Variants in KCNMB2 observed in about 807,000 individuals in gnomAD.
The protein encoded by KCNMB2 is potassium calcium-activated channel subfamily M regulatory beta subunit 2, also known as calcium-activated potassium channel subunit beta-2.
In KCNMB2, 9 loss-of-function variants were observed where a neutral mutation model predicts 24.5. That is an observed-to-expected ratio of 0.37 (90% CI 0.22 to 0.64). KCNMB2 has a LOEUF of 0.64. Ranked by LOEUF, KCNMB2 falls within the 30% of genes least tolerant of loss-of-function variation. The pLI, the probability that KCNMB2 is intolerant of heterozygous loss-of-function variation, is 0.63. For synonymous variants in KCNMB2, 109 were observed against 104.4 expected (o/e 1.04, Z -0.27); for missense variants, 226 against 284.3 (o/e 0.79, Z 1.47).
At chr3:178,786,973 G>C (rs1307378097) in intron 1 of KCNMB2, among the ~76,000 whole-genome samples, 1 of 152,108 alleles carries the variant, frequency 6.6e-6, no homozygotes, top group Non-Finnish European at 1.5e-5. Context: ...AAACTTTTCA[G>C]GTGAAAGGAA....
chr3:178,562,958 CAAATAA>C (rs1716377943), intron 1 of KCNMB2, among the ~76,000 whole-genome samples: 2 of 152,242 alleles, frequency 1.3e-5, no homozygotes, highest in African/African-American at 4.8e-5. Context: ...AAAAACAAAA[CAAATAA>C]AATAGATATT....
Position 178,843,326 on chromosome 3 carries a change from T to A in KCNMB2, c.*389T>A. 1 of 400,154 alleles carries A rather than the reference T, an allele frequency of 2.5e-6. No homozygotes were observed. Among genetic ancestry groups the A allele is most frequent in the Non-Finnish European group, 5.0e-6 (1 of 199,902 alleles). 24.8% of individuals were successfully genotyped at this position (400,154 alleles called of 1,614,324 possible). On this transcript the variant is annotated 3_prime_UTR_variant, in exon 5 of 5. Coordinates refer to ENST00000452583, the MANE Select transcript of KCNMB2 (RefSeq NM_181361.3). ...AGACAATATTTTTCATCACTTATTG[T>A]TTACTAAAGCTACAGCCAAAAATAT... is the stretch of plus-strand genomic sequence containing the variant.
intron 1 of KCNMB2, among the ~76,000 whole-genome samples, chr3:178,755,564 G>A (rs1724002909): frequency 6.6e-6 from 1 of 152,134 alleles, no homozygotes; most frequent in Non-Finnish European, 1.5e-5. Flanking sequence ...CAATGTTATT[G>A]CTATGGTATT....
At chr3:178,777,009 A>C (rs1400916603) in intron 1 of KCNMB2, among the ~76,000 whole-genome samples, 1 of 149,506 alleles carries the variant, frequency 6.7e-6, no homozygotes, top group African/African-American at 2.5e-5. Flanking sequence ...AATAAATGTT[A>C]ATATTGTAAT....
At position 178,631,359 on chromosome 3, in the gene KCNMB2, G is replaced by GT. The variant is rs1289958054; in HGVS notation, c.-68+94649dup. ...GACTGACAGCTTATTAGTGCTGTCA[G>GT]TAACAGCTACATTGAGACTGAAAAG... is the stretch of plus-strand genomic sequence containing the variant. On this transcript the variant is annotated intron_variant, in intron 1 of 4. Coordinates refer to ENST00000452583, the MANE Select transcript of KCNMB2 (RefSeq NM_181361.3). Among the ~76,000 whole-genome samples, 3 of 152,270 alleles carry GT rather than the reference G, an allele frequency of 2.0e-5. No individual in the cohort carries two copies. The East Asian group carries it at 5.8e-4, about 29-fold the overall frequency.
chr3:178,828,134 A>G (rs1714906038), intron 3 of KCNMB2, 44 bp from the exon 4 acceptor site: 5 of 1,430,320 alleles, frequency 3.5e-6, no homozygotes, highest in South Asian at 2.4e-5. Context: ...CTTTCTCACT[A>G]TTAGCTCTTG....
intron 4 of KCNMB2, chr3:178,841,698 TACTC>T (rs1208974921): frequency 2.0e-5 from 3 of 152,088 alleles, no homozygotes; most frequent in African/African-American, 7.2e-5. Flanking sequence ...CATGAGAACT[TACTC>T]ACTGTCATAA....
intron 1 of KCNMB2, among the ~76,000 whole-genome samples, chr3:178,655,704 A>G (rs1405357519): frequency 1.3e-5 from 2 of 152,158 alleles, no homozygotes; most frequent in African/African-American, 4.8e-5. Context: ...GAGGCCAGGA[A>G]CGCCCAGGTC....
chr3:178,800,096 C>T (rs1482294351), intron 1 of KCNMB2, among the ~76,000 whole-genome samples: 1 of 152,080 alleles, frequency 6.6e-6, no homozygotes, highest in East Asian at 1.9e-4. Flanking sequence ...ATTAAGGAAG[C>T]TCTCCAGGAC....
intron 1 of KCNMB2, among the ~76,000 whole-genome samples, chr3:178,662,426 A>C (rs1310524054): frequency 6.6e-6 from 1 of 152,184 alleles, no homozygotes; most frequent in Non-Finnish European, 1.5e-5. Context: ...GATAAATATG[A>C]TGTAAACAAT....
At chr3:178,546,617 C>T (rs1715783708) in intron 1 of KCNMB2, among the ~76,000 whole-genome samples, 1 of 152,146 alleles carries the variant, frequency 6.6e-6, no homozygotes, top group African/African-American at 2.4e-5. Flanking sequence ...TGTGCCCTGA[C>T]AGAGTGTCAA....
intron 1 of KCNMB2, among the ~76,000 whole-genome samples, chr3:178,619,984 T>C (rs2108525867): frequency 6.6e-6 from 1 of 152,336 alleles, no homozygotes; most frequent in African/African-American, 2.4e-5. Flanking sequence ...ACTGAGCATC[T>C]ACTATGTCTT....
intron 1 of KCNMB2, among the ~76,000 whole-genome samples, chr3:178,624,822 G>T (rs776877694): frequency 3.3e-5 from 5 of 151,996 alleles, no homozygotes; most frequent in African/African-American, 9.7e-5. Flanking sequence ...CAGAGGTGTG[G>T]GTGAGTGGGC....
At chr3:178,624,598 CTT>C (rs1553822970) in intron 1 of KCNMB2, among the ~76,000 whole-genome samples, 1 of 38,752 alleles carries the variant, frequency 2.6e-5, no homozygotes, top group Non-Finnish European at 5.6e-5. Context: ...TTTTTTCTTT[CTT>C]TTTTTTTTTT....
intron 1 of KCNMB2, among the ~76,000 whole-genome samples, chr3:178,721,696 CAA>C (rs1722812755): frequency 6.6e-6 from 1 of 152,176 alleles, no homozygotes; most frequent in South Asian, 2.1e-4. Flanking sequence ...AACAGCAATG[CAA>C]AAGAGTTCCA....
At chr3:178,587,051 C>T (rs1310614310) in intron 1 of KCNMB2, among the ~76,000 whole-genome samples, 1 of 152,074 alleles carries the variant, frequency 6.6e-6, no homozygotes, top group African/African-American at 2.4e-5. Flanking sequence ...AAAATAGTCT[C>T]TTCTTCCTTT....
chr3:178,742,083 T>C lies in KCNMB2; in HGVS notation c.-67-65260T>C, dbSNP rs543033651. On this transcript the variant is annotated intron_variant, in intron 1 of 4. Coordinates refer to ENST00000452583, the MANE Select transcript of KCNMB2 (RefSeq NM_181361.3). ...TGTTAATATCTATAATAAAAATACATTTGACTACAGAACGATAGCATTGAA... is the reference window on the plus strand; with the variant it reads ...TGTTAATATCTATAATAAAAATACACTTGACTACAGAACGATAGCATTGAA... Among the ~76,000 whole-genome samples, 2 of 152,220 alleles carry C rather than the reference T, an allele frequency of 1.3e-5. 1 individual carries two copies. Among genetic ancestry groups the C allele is most frequent in the South Asian group, 4.1e-4 (2 of 4,832 alleles).
At chr3:178,670,253 T>C (rs1720855435) in intron 1 of KCNMB2, among the ~76,000 whole-genome samples, 1 of 152,044 alleles carries the variant, frequency 6.6e-6, no homozygotes, top group Admixed American at 6.6e-5. Flanking sequence ...TTTTTGTTGG[T>C]GGGAAGCAGG....
intron 1 of KCNMB2, among the ~76,000 whole-genome samples, chr3:178,743,612 A>G (rs527481249): frequency 1.3e-5 from 2 of 152,296 alleles, no homozygotes; most frequent in Non-Finnish European, 2.9e-5. Context: ...ACATTTTCCA[A>G]TCTCTGCGTC....
Sources: gnomAD v4.1 joint callset for allele counts (sites outside exome capture counted in the v4.1 genomes callset) on GRCh38, gnomAD v4.1.1 for gene constraint, MANE v1.5 for transcripts, NCBI Gene and HGNC (gene_info 2026-07-23, HGNC 2026-07-21) for gene names.